Variants in ROBO2 observed in about 807,000 individuals in gnomAD.
The protein encoded by ROBO2 is roundabout guidance receptor 2, also known as roundabout homolog 2.
ROBO2 carries 53 observed loss-of-function variants against 160.8 expected under a neutral mutation model. The ratio of observed to expected loss-of-function variants is 0.33; its 90% confidence interval spans 0.26 to 0.41. The LOEUF (loss-of-function observed/expected upper bound fraction) is 0.41. Among genes scored for constraint, ROBO2 ranks in the 10% least tolerant of loss-of-function variants. The pLI, the probability that ROBO2 is intolerant of heterozygous loss-of-function variation, is 1.00. For synonymous variants in ROBO2, 664 were observed against 611.7 expected (o/e 1.09, Z -1.26); for missense variants, 1,577 against 1,722.4 (o/e 0.92, Z 1.49).
At chr3:76,185,935 G>GGTTTT in intron 2 of ROBO2, among the ~76,000 whole-genome samples, 1 of 49,790 alleles carries the variant, frequency 2.0e-5, no homozygotes, top group Non-Finnish European at 5.4e-5. Context: ...AGGAAACACA[G>GGTTTT]ATTTTTTTTT....
At chr3:75,992,719 A>G (rs113330312) in intron 2 of ROBO2, among the ~76,000 whole-genome samples, 1,968 of 152,290 alleles carry the variant, frequency 0.013, 50 homozygotes, top group African/African-American at 0.045. Context: ...TGGAAAAGCC[A>G]CAGGCACTCA....
chr3:77,467,609 A>G (rs2082903261), intron 2 of ROBO2, among the ~76,000 whole-genome samples: 1 of 150,412 alleles, frequency 6.6e-6, no homozygotes. Context: ...CTATCTATCT[A>G]TCTATCTATC....
chr3:76,010,044 G>A lies in ROBO2; in HGVS notation c.109+72442G>A, dbSNP rs571096256. ...TTCAAGAAACCCTGGAAAGCACATT[G>A]AAAGTGGAATTATTTAAGTTGGACA... is the stretch of plus-strand genomic sequence containing the variant. On this transcript the variant is annotated intron_variant, in intron 2 of 26. Coordinates refer to the ROBO2 transcript ENST00000487694. Among the ~76,000 whole-genome samples, 46 of 152,214 alleles carry A rather than the reference G, an allele frequency of 3.0e-4. 1 individual carries two copies. In the South Asian group the frequency reaches 8.9e-3, roughly 29 times the overall value.
intron 2 of ROBO2, among the ~76,000 whole-genome samples, chr3:76,997,912 A>G (rs905276104): frequency 6.6e-6 from 1 of 152,116 alleles, no homozygotes; most frequent in Non-Finnish European, 1.5e-5. Flanking sequence ...TCAGCCCCAT[A>G]TGCTTTCCCA....
At chr3:77,391,561 A>G (rs1479489422) in intron 2 of ROBO2, among the ~76,000 whole-genome samples, 1 of 152,042 alleles carries the variant, frequency 6.6e-6, no homozygotes, top group African/African-American at 2.4e-5. Flanking sequence ...ACATGGTTTT[A>G]TAGCATGGCA....
chr3:76,981,434 A>G (rs567351450), intron 2 of ROBO2, among the ~76,000 whole-genome samples: 15 of 152,316 alleles, frequency 9.8e-5, no homozygotes, highest in Middle Eastern at 3.4e-3. Context: ...TGATGGCTAT[A>G]ACTTTGAACA....
chr3:77,332,281 T>C (rs2066051589), intron 2 of ROBO2, among the ~76,000 whole-genome samples: 1 of 152,236 alleles, frequency 6.6e-6, no homozygotes. Flanking sequence ...GACCACCTTG[T>C]ACTTATTAAC....
chr3:76,636,790 G>T (rs1395572033), intron 2 of ROBO2, among the ~76,000 whole-genome samples: 1 of 152,100 alleles, frequency 6.6e-6, no homozygotes, highest in African/African-American at 2.4e-5. Flanking sequence ...GTTGTTTATA[G>T]ATCATAGGAA....
At chr3:76,122,566 A>T (rs1404526659) in intron 2 of ROBO2, among the ~76,000 whole-genome samples, 2 of 152,142 alleles carry the variant, frequency 1.3e-5, no homozygotes, top group Admixed American at 6.5e-5. Flanking sequence ...CAATTTTTAA[A>T]AATAATCCAT....
rs185719747 is a variant in ROBO2, at chr3:77,237,986, A to G, written c.388+139646A>G. Among the ~76,000 whole-genome samples, 36 of 152,288 alleles carry G rather than the reference A, an allele frequency of 2.4e-4. No individual in the cohort carries two copies. In the East Asian group the frequency reaches 6.4e-3, roughly 27 times the overall value. ...TTTTGATTTGCATTTACCTGACGAC[A>G]TATGATATGGAGCATCTTTTCATAT... On this transcript the variant is annotated intron_variant, in intron 2 of 25. Transcript: ENST00000461745.
At chr3:76,989,320 T>C (rs931500811) in intron 2 of ROBO2, among the ~76,000 whole-genome samples, 8 of 152,158 alleles carry the variant, frequency 5.3e-5, no homozygotes, top group Non-Finnish European at 1.0e-4. Context: ...AACTGATGAA[T>C]GAAACAGAGC....
chr3:77,228,414 AACACAC>A (rs55991541), intron 2 of ROBO2, among the ~76,000 whole-genome samples: 3 of 148,914 alleles, frequency 2.0e-5, no homozygotes, highest in Non-Finnish European at 3.0e-5. Flanking sequence ...TACATGCACA[AACACAC>A]ACACACACAC....
At chr3:77,350,070 A>ATATAT (rs202039515) in intron 2 of ROBO2, among the ~76,000 whole-genome samples, 1 of 148,378 alleles carries the variant, frequency 6.7e-6, no homozygotes, top group Non-Finnish European at 1.5e-5. Context: ...ACATTAAAAA[A>ATATAT]AAATATATAT....
chr3:76,464,187 A>G (rs1326744790), intron 2 of ROBO2, among the ~76,000 whole-genome samples: 2 of 152,162 alleles, frequency 1.3e-5, no homozygotes, highest in Non-Finnish European at 1.5e-5. Flanking sequence ...TCCTAAGGAA[A>G]GGCTGAAAGA....
At chr3:76,986,747 T>C (rs1353535044) in intron 2 of ROBO2, among the ~76,000 whole-genome samples, 1 of 152,194 alleles carries the variant, frequency 6.6e-6, no homozygotes, top group Non-Finnish European at 1.5e-5. Flanking sequence ...TGCTTGGTTG[T>C]GGTATTTGTA....
intron 2 of ROBO2, among the ~76,000 whole-genome samples, chr3:76,118,393 T>C (rs968156337): frequency 6.6e-6 from 1 of 152,174 alleles, no homozygotes; most frequent in African/African-American, 2.4e-5. Context: ...ACTTTGAAAA[T>C]AGCTCACTAA....
intron 2 of ROBO2, among the ~76,000 whole-genome samples, chr3:76,484,559 A>G (rs1383236634): frequency 6.6e-6 from 1 of 152,104 alleles, no homozygotes; most frequent in African/African-American, 2.4e-5. Flanking sequence ...GAGAAGTTGA[A>G]ATTAGTGAAT....
At chr3:77,271,539 A>G (rs1024588118) in intron 2 of ROBO2, among the ~76,000 whole-genome samples, 2 of 152,246 alleles carry the variant, frequency 1.3e-5, no homozygotes, top group Non-Finnish European at 2.9e-5. Flanking sequence ...GGAATTCAGC[A>G]TAAAGTGTGA....
At chr3:76,302,139 A>G (rs1166401128) in intron 2 of ROBO2, among the ~76,000 whole-genome samples, 1 of 152,018 alleles carries the variant, frequency 6.6e-6, no homozygotes, top group Non-Finnish European at 1.5e-5. Context: ...CTATATACTG[A>G]TATATGGCTA....
Sources: allele counts gnomAD v4.1 joint callset (sites outside exome capture counted in the v4.1 genomes callset), GRCh38; gene constraint gnomAD v4.1.1; transcripts MANE v1.5; gene names NCBI Gene and HGNC (gene_info 2026-07-23, HGNC 2026-07-21).